Variants in MDGA2 observed in about 807,000 individuals in gnomAD.
The protein encoded by MDGA2 is MAM domain containing glycosylphosphatidylinositol anchor 2, also known as MAM domain-containing glycosylphosphatidylinositol anchor protein 2.
MDGA2 carries 40 observed loss-of-function variants against 117.8 expected under a neutral mutation model. The observed-to-expected ratio is 0.34, with a 90% CI of 0.26 to 0.44. MDGA2 has a LOEUF of 0.44. Among genes scored for constraint, MDGA2 ranks in the 20% least tolerant of loss-of-function variants. The pLI is 1.00. For missense variants in MDGA2, 1,123 were observed against 1,250.6 expected (o/e 0.90, Z 1.54); for synonymous variants, 452 against 439.0 (o/e 1.03, Z -0.37).
At chr14:47,540,540 G>GTGTGTGTGTGTCTGTA in intron 1 of MDGA2, among the ~76,000 whole-genome samples, 1 of 79,188 alleles carries the variant, frequency 1.3e-5, no homozygotes, top group Non-Finnish European at 2.8e-5. Context: ...GTGTGTGTGT[G>GTGTGTGTGTGTCTGTA]TATATATATA....
intron 1 of MDGA2, among the ~76,000 whole-genome samples, chr14:47,494,915 T>C (rs917582120): frequency 2.3e-4 from 34 of 149,708 alleles, no homozygotes; most frequent in Admixed American, 1.1e-3. Context: ...ATTGTGTATA[T>C]GTGTATATAT....
chr14:47,608,879 A>G (rs900498043), intron 1 of MDGA2, among the ~76,000 whole-genome samples: 2 of 151,968 alleles, frequency 1.3e-5, no homozygotes, highest in Admixed American at 1.3e-4. Flanking sequence ...GATTCTGGAT[A>G]TTTGTAGAAG....
chr14:47,628,400 G>C (rs1354959788), intron 1 of MDGA2, among the ~76,000 whole-genome samples: 1 of 152,180 alleles, frequency 6.6e-6, no homozygotes, highest in Non-Finnish European at 1.5e-5. Context: ...CTCAAGGCCT[G>C]GCACAGTGAC....
intron 2 of MDGA2, among the ~76,000 whole-genome samples, chr14:47,248,817 G>GA (rs948730557): frequency 2.0e-5 from 3 of 151,314 alleles, no homozygotes; most frequent in Non-Finnish European, 2.9e-5. Flanking sequence ...AGATTGATTT[G>GA]AAAAAAAATT....
At chr14:46,919,335 A>T (rs1884033049) in intron 10 of MDGA2, among the ~76,000 whole-genome samples, 1 of 152,220 alleles carries the variant, frequency 6.6e-6, no homozygotes, top group African/African-American at 2.4e-5. Context: ...ATGTTTTGTT[A>T]TGCTGAAATT....
chr14:47,565,040 G>A (rs1303788327), intron 1 of MDGA2, among the ~76,000 whole-genome samples: 1 of 151,856 alleles, frequency 6.6e-6, no homozygotes, highest in East Asian at 1.9e-4. Flanking sequence ...AGAATCCTTG[G>A]ATTGGGTTTC....
At chr14:47,437,762 G>C (rs1892927143) in intron 1 of MDGA2, among the ~76,000 whole-genome samples, 1 of 152,116 alleles carries the variant, frequency 6.6e-6, no homozygotes, top group African/African-American at 2.4e-5. Context: ...AGCACAGCTG[G>C]AAAAACACAT....
At chr14:47,007,393 T>C (rs1212511618) in intron 8 of MDGA2, among the ~76,000 whole-genome samples, 1 of 151,804 alleles carries the variant, frequency 6.6e-6, no homozygotes, top group Non-Finnish European at 1.5e-5. Context: ...TGGCTTGATA[T>C]GTTTGCTGTA....
chr14:47,175,088 G>C (rs1236987886), intron 3 of MDGA2, among the ~76,000 whole-genome samples: 1 of 151,576 alleles, frequency 6.6e-6, no homozygotes, highest in Non-Finnish European at 1.5e-5. Context: ...ACCCACCCAA[G>C]ACTAAACCAG....
At chr14:47,051,119 A>G (rs1331445136) in intron 7 of MDGA2, among the ~76,000 whole-genome samples, 2 of 151,950 alleles carry the variant, frequency 1.3e-5, no homozygotes, top group African/African-American at 2.4e-5. Context: ...TAAGATTTTA[A>G]GGCATGCTGC....
chr14:47,432,595 A>G (rs1316203162), intron 1 of MDGA2, among the ~76,000 whole-genome samples: 1 of 152,078 alleles, frequency 6.6e-6, no homozygotes, highest in African/African-American at 2.4e-5. Flanking sequence ...ATATGAACAA[A>G]GGCCTTATGA....
At chr14:47,322,668 T>G (rs35529348) in intron 1 of MDGA2, among the ~76,000 whole-genome samples, 14,564 of 152,152 alleles carry the variant, frequency 0.096, 752 homozygotes, top group Middle Eastern at 0.13. Context: ...CATCTCAGAT[T>G]CTATTTACCA....
At chr14:47,183,009 T>G (rs1009383766) in intron 3 of MDGA2, among the ~76,000 whole-genome samples, 8 of 152,118 alleles carry the variant, frequency 5.3e-5, no homozygotes, top group African/African-American at 1.9e-4. Context: ...AGCTGACATA[T>G]CTCCTAAACT....
At chr14:47,610,848 G>A (rs1896834685) in intron 1 of MDGA2, among the ~76,000 whole-genome samples, 1 of 151,806 alleles carries the variant, frequency 6.6e-6, no homozygotes, top group Admixed American at 6.6e-5. Flanking sequence ...CACAGAATTA[G>A]AAAAAAACTA....
At chr14:46,970,614 C>T (rs1005668511) in intron 8 of MDGA2, among the ~76,000 whole-genome samples, 1 of 152,078 alleles carries the variant, frequency 6.6e-6, no homozygotes, top group African/African-American at 2.4e-5. Flanking sequence ...ATAGGGGAAA[C>T]ACTTTAAGAC....
At chr14:47,000,467 G>T (rs1486064093) in intron 8 of MDGA2, among the ~76,000 whole-genome samples, 8 of 128,498 alleles carry the variant, frequency 6.2e-5, no homozygotes, top group Admixed American at 4.1e-4. Flanking sequence ...ATATATATAT[G>T]TATAACAGGT....
At chr14:46,848,097 G>T (rs1255473431) in intron 15 of MDGA2, among the ~76,000 whole-genome samples, 1 of 151,932 alleles carries the variant, frequency 6.6e-6, no homozygotes, top group Non-Finnish European at 1.5e-5. Context: ...GAAGTGAGAT[G>T]TGGTGAAGAG....
In MDGA2 at chr14:47,503,655, C is replaced by T. The variant is rs1894449678; in HGVS notation, c.280+170862G>A. Among the ~76,000 whole-genome samples the T allele has an allele frequency of 3.3e-5, 5 of 152,100 alleles. No individual in the cohort carries two copies. In the South Asian group the frequency reaches 6.2e-4, roughly 19 times the overall value. On this transcript the variant is annotated intron_variant, in intron 1 of 16. Transcript: ENST00000399232. ...TCTTGACCTCGTGATCTGCCCGCCT[C>T]GGCCTCCCAAAGGGCTGAGATTACA...
At chr14:47,445,777 C>T (rs1327739630) in intron 1 of MDGA2, among the ~76,000 whole-genome samples, 1 of 152,092 alleles carries the variant, frequency 6.6e-6, no homozygotes, top group Non-Finnish European at 1.5e-5. Context: ...AGAAAAATTG[C>T]TGCACACCAA....
Sources: allele counts gnomAD v4.1 joint callset (sites outside exome capture counted in the v4.1 genomes callset), GRCh38; gene constraint gnomAD v4.1.1; transcripts MANE v1.5; gene names NCBI Gene and HGNC (gene_info 2026-07-23, HGNC 2026-07-21).